MIGA1: variants seen among roughly 807,000 people sequenced by gnomAD.
The protein encoded by MIGA1 is mitoguardin 1, also known as family with sequence similarity 73, member A.
Under a neutral mutation model 82.0 loss-of-function variants are expected in MIGA1, and 58 were observed. The observed-to-expected ratio is 0.71, with a 90% CI of 0.57 to 0.88. MIGA1 has a LOEUF of 0.88. MIGA1 is among the 40% of genes least tolerant of loss of function. The pLI, the probability that MIGA1 is intolerant of heterozygous loss-of-function variation, is 0.00. For missense variants in MIGA1, 751 were observed against 749.1 expected (o/e 1.00, Z -0.03); for synonymous variants, 249 against 253.6 (o/e 0.98, Z 0.17).
chr1:77,867,735 G>A (rs893345078), intron 14 of MIGA1, among the ~76,000 whole-genome samples: 49 of 152,204 alleles, frequency 3.2e-4, no homozygotes, highest in Non-Finnish European at 8.8e-5. Flanking sequence ...CCAAGGACCT[G>A]TAGTATTTTA....
chr1:77,811,442 G>C (rs1167042263), intron 5 of MIGA1: 6 of 1,550,766 alleles, frequency 3.9e-6, no homozygotes, highest in African/African-American at 1.4e-5. Context: ...AATGGGACAG[G>C]CTGAACATCA....
At chr1:77,792,935 T>C (rs1682491487) in intron 2 of MIGA1, among the ~76,000 whole-genome samples, 1 of 151,884 alleles carries the variant, frequency 6.6e-6, no homozygotes, top group Non-Finnish European at 1.5e-5. Context: ...ATTACAGGCA[T>C]GCAGCACTAT....
intron 7 of MIGA1, among the ~76,000 whole-genome samples, chr1:77,830,833 G>A (rs1299912254): frequency 2.0e-5 from 3 of 152,138 alleles, no homozygotes; most frequent in Non-Finnish European, 4.4e-5. Flanking sequence ...TTTATTTGCT[G>A]TGTACCTGAC....
intron 3 of MIGA1, among the ~76,000 whole-genome samples, chr1:77,801,915 A>G (rs1042697433): frequency 2.6e-5 from 4 of 152,270 alleles, no homozygotes; most frequent in Middle Eastern, 3.4e-3. Context: ...CTGTGCTATC[A>G]TTTTTAATAT....
chr1:77,866,421 G>C (rs1571017047), intron 14 of MIGA1, 30 bp downstream of exon 14: 1 of 1,604,146 alleles, frequency 6.2e-7, no homozygotes, highest in Non-Finnish European at 8.5e-7. Flanking sequence ...GAATTCCTTT[G>C]TTAAATCATT....
intron 5 of MIGA1, among the ~76,000 whole-genome samples, chr1:77,813,104 C>T (rs1276183659): frequency 1.3e-5 from 2 of 152,138 alleles, no homozygotes; most frequent in Non-Finnish European, 2.9e-5. Context: ...GCATCAGCCT[C>T]CTGAGTAGCC....
In MIGA1 at chr1:77,859,013, A is replaced by G. The variant is rs756710271; in HGVS notation, c.1072A>G (p.Met358Val). 1.2e-6 allele frequency: 2 copies of G among 1,613,840 alleles called. No individual in the cohort carries two copies. Among genetic ancestry groups the G allele is most frequent in the South Asian group, 2.2e-5 (2 of 91,080 alleles). The stretch of plus-strand genomic sequence containing the variant: ...TCACTGCCCATTTTACGAGGAAGCC[A>G]TGCATTTAGTTGAAGAAGGAAAAAT... Residue 358 changes from methionine to valine, a missense_variant, in exon 9 of 16, where the codon ATG becomes GTG. By Grantham distance (21) the Met-to-Val change is conservative. Coordinates refer to ENST00000370791, the MANE Select transcript of MIGA1 (RefSeq NM_198549.4).
intron 5 of MIGA1, chr1:77,811,772 C>T (rs1683342761): frequency 7.5e-6 from 12 of 1,591,976 alleles, no homozygotes; most frequent in Non-Finnish European, 9.4e-6. Context: ...CTCCGGGTCA[C>T]CTCCGACATG....
chr1:77,781,663 A>C (rs968256452), intron 1 of MIGA1, among the ~76,000 whole-genome samples: 6 of 152,192 alleles, frequency 3.9e-5, no homozygotes, highest in African/African-American at 1.4e-4. Context: ...ATATGTCTCT[A>C]TCACAGGTTG....
At chr1:77,829,460 C>G (rs1486969761) in intron 7 of MIGA1, among the ~76,000 whole-genome samples, 2 of 151,948 alleles carry the variant, frequency 1.3e-5, no homozygotes, top group Non-Finnish European at 2.9e-5. Flanking sequence ...CTTAAAAAAT[C>G]TTCTAGAAGT....
intron 8 of MIGA1, chr1:77,847,576 C>T (rs1319519478): frequency 6.6e-7 from 1 of 1,514,340 alleles, no homozygotes; most frequent in Non-Finnish European, 9.2e-7. Context: ...GTGACATCTG[C>T]ATATAAGAAA....
intron 7 of MIGA1, among the ~76,000 whole-genome samples, chr1:77,837,114 C>A (rs928165863): frequency 6.6e-6 from 1 of 152,070 alleles, no homozygotes; most frequent in Non-Finnish European, 1.5e-5. Flanking sequence ...ACAACAAATG[C>A]TCTAACAGCA....
intron 7 of MIGA1, among the ~76,000 whole-genome samples, chr1:77,828,533 CTTTATT>C (rs780479860): frequency 1.3e-5 from 2 of 152,068 alleles, no homozygotes; most frequent in African/African-American, 2.4e-5. Flanking sequence ...AAATACAGAA[CTTTATT>C]TTTAGTGAAG....
intron 7 of MIGA1, among the ~76,000 whole-genome samples, chr1:77,826,042 C>T (rs1034327533): frequency 2.0e-5 from 3 of 152,150 alleles, no homozygotes; most frequent in Non-Finnish European, 4.4e-5. Flanking sequence ...AAACACTTAT[C>T]TATTCATTAT....
chr1:77,819,188 A>G (rs1019030523), intron 7 of MIGA1, among the ~76,000 whole-genome samples: 2 of 152,154 alleles, frequency 1.3e-5, no homozygotes, highest in Non-Finnish European at 2.9e-5. Flanking sequence ...AGTGAAGTAC[A>G]GAGGCATTAA....
intron 8 of MIGA1, among the ~76,000 whole-genome samples, chr1:77,855,483 G>A (rs1031252667): frequency 2.0e-5 from 3 of 152,168 alleles, no homozygotes; most frequent in African/African-American, 7.2e-5. Context: ...GCTTTTGGCA[G>A]TATGGTCCTT....
intron 6 of MIGA1, among the ~76,000 whole-genome samples, chr1:77,814,270 A>G (rs1220780690): frequency 1.3e-5 from 2 of 152,136 alleles, no homozygotes; most frequent in African/African-American, 4.8e-5. Context: ...CCTTGGGACA[A>G]TGTGGGGTAT....
intron 14 of MIGA1, among the ~76,000 whole-genome samples, chr1:77,869,876 A>C (rs1277750587): frequency 6.2e-5 from 5 of 81,166 alleles, no homozygotes; most frequent in Admixed American, 1.2e-4. Context: ...TGATCCCCCC[A>C]CCTCCCTCCC....
chr1:77,792,849 C>T lies in MIGA1; in HGVS notation c.196-8482C>T, dbSNP rs554686508. Among the ~76,000 whole-genome samples the T allele has an allele frequency of 1.3e-3, 186 of 138,350 alleles. 1 individual carries two copies. The highest frequency in any genetic ancestry group is 2.2e-3 in the Non-Finnish European group (148 of 65,874). 90.8% of individuals were successfully genotyped at this position (138,350 alleles called of 152,430 possible). On this transcript the variant is annotated intron_variant, in intron 2 of 15. Transcript: ENST00000370791. ...TGTAGCCCAGGCTGGAGTGCAGTGG[C>T]GCGATCTCAGCTCACTGCAACCTCT...
Sources: allele counts gnomAD v4.1 joint callset (sites outside exome capture counted in the v4.1 genomes callset), GRCh38; gene constraint gnomAD v4.1.1; transcripts MANE v1.5; gene names NCBI Gene and HGNC (gene_info 2026-07-23, HGNC 2026-07-21).